The following DENND1B variants were observed in gnomAD, a reference collection of about 807,000 sequenced individuals.
The protein encoded by DENND1B is DENN domain-containing protein 1B.
In DENND1B, 59 loss-of-function variants were observed where a neutral mutation model predicts 90.1. The observed-to-expected ratio is 0.65, with a 90% CI of 0.53 to 0.81. The LOEUF (loss-of-function observed/expected upper bound fraction) is 0.81, where lower values mean the gene tolerates loss of function less well. DENND1B is among the 40% of genes least tolerant of loss of function. The probability of loss-of-function intolerance (pLI) is 0.00; values close to 1 mark genes in which losing one functional copy is unlikely to be tolerated. For synonymous variants in DENND1B, 337 were observed against 324.6 expected, an observed-to-expected ratio of 1.04 and a Z score of -0.41; for missense variants, 862 against 912.6, an observed-to-expected ratio of 0.94 and a Z score of 0.71.
chr1:197,656,862 C>T (rs1455084391), intron 6 of DENND1B, among the ~76,000 whole-genome samples: 1 of 151,710 alleles, frequency 6.6e-6, no homozygotes, highest in African/African-American at 2.4e-5. Context: ...AAATCATTAT[C>T]CCATAGAATT....
At chr1:197,724,445 T>A (rs1661449303) in intron 2 of DENND1B, among the ~76,000 whole-genome samples, 1 of 152,114 alleles carries the variant, frequency 6.6e-6, no homozygotes, top group South Asian at 2.1e-4. Flanking sequence ...CTCTTATTTA[T>A]CTTTGTATCT....
rs1274431238 is a variant in DENND1B at position 197,642,765 on chromosome 1, A to G, written c.618T>C (p.Tyr206=). 4 of 1,613,662 alleles carry G rather than the reference A, an allele frequency of 2.5e-6. No individual in the cohort carries two copies. The highest frequency in any genetic ancestry group is 3.4e-6 in the Non-Finnish European group (4 of 1,179,842). The change falls in exon 10 of 23, where the codon TAT becomes TAC. Residue 206 remains tyrosine (Y), a synonymous_variant. Transcript: ENST00000620048. ...TGCGCCTTTCATGCAGCATACTGGC[A>G]TACAGCTGCAGCATGTTGTTCACAT... is the stretch of plus-strand genomic sequence containing the variant. The part of the protein sequence containing the change: ...AVDVNNMLQL[Y]ASMLHERRIV...
chr1:197,755,223 T>G (rs1286284898), intron 2 of DENND1B, among the ~76,000 whole-genome samples: 1 of 152,206 alleles, frequency 6.6e-6, no homozygotes, highest in African/African-American at 2.4e-5. Flanking sequence ...TGTATCAGCC[T>G]GGTCACTTCA....
At chr1:197,660,695 AAGGAAAGTT>A (rs1654324617) in intron 5 of DENND1B, among the ~76,000 whole-genome samples, 1 of 152,122 alleles carries the variant, frequency 6.6e-6, no homozygotes, top group African/African-American at 2.4e-5. Flanking sequence ...CAACAGCAAT[AAGGAAAGTT>A]AGAAGATAAT....
At chr1:197,768,167 T>G (rs981035476) in intron 2 of DENND1B, among the ~76,000 whole-genome samples, 1 of 150,658 alleles carries the variant, frequency 6.6e-6, no homozygotes, top group Admixed American at 6.6e-5. Context: ...CCTCCTCCTC[T>G]TCGTCGTCCT....
At chr1:197,714,986 TA>T in intron 3 of DENND1B, 44 bp downstream of exon 3, 2 of 1,447,344 alleles carry the variant, frequency 1.4e-6, no homozygotes, top group Non-Finnish European at 1.9e-6. Flanking sequence ...GCAACAATCA[TA>T]ATACTTCAAC....
At chr1:197,516,916 C>T (rs957828300) in intron 20 of DENND1B, among the ~76,000 whole-genome samples, 1 of 151,804 alleles carries the variant, frequency 6.6e-6, no homozygotes, top group African/African-American at 2.4e-5. Flanking sequence ...AGTGACTTAT[C>T]CTTCAACATC....
chr1:197,515,014 C>A (rs992498874), intron 20 of DENND1B, among the ~76,000 whole-genome samples: 22 of 151,780 alleles, frequency 1.4e-4, no homozygotes, highest in Middle Eastern at 3.4e-3. Context: ...AATTTGGAGA[C>A]TTCAACCATG....
intron 2 of DENND1B, among the ~76,000 whole-genome samples, chr1:197,718,972 A>C (rs1430846370): frequency 1.3e-5 from 2 of 152,124 alleles, no homozygotes; most frequent in Non-Finnish European, 2.9e-5. Context: ...GTTATTATGA[A>C]AGTCAAGAGA....
chr1:197,540,132 T>C (rs1029108538), intron 19 of DENND1B, 61 bp from the exon 20 acceptor site: 69 of 1,161,718 alleles, frequency 5.9e-5, no homozygotes, highest in Admixed American at 2.4e-4. Flanking sequence ...ACTAACGTAT[T>C]AGATTAATAA....
chr1:197,626,492 C>A (rs1474728911), intron 10 of DENND1B, among the ~76,000 whole-genome samples: 3 of 152,084 alleles, frequency 2.0e-5, no homozygotes, highest in Non-Finnish European at 4.4e-5. Flanking sequence ...AACAAAGACA[C>A]AACATACCAC....
intron 16 of DENND1B, among the ~76,000 whole-genome samples, chr1:197,550,807 TAA>T (rs879793785): frequency 2.1e-5 from 3 of 140,974 alleles, no homozygotes. Flanking sequence ...AAACTTTAAT[TAA>T]AAAAAAAAAA....
chr1:197,764,318 T>C lies in DENND1B; in HGVS notation c.82+8550A>G, dbSNP rs576614087. ...TGGAAGATGTAGGCTCTTGGCACAT[T>C]TTCTGACATATTATAAATACCAAAT... On this transcript the variant is annotated intron_variant, in intron 2 of 22. Transcript: ENST00000620048. Among the ~76,000 whole-genome samples the C allele has an allele frequency of 2.6e-5, 4 of 152,290 alleles. No homozygotes were observed. The South Asian group carries it at 6.2e-4, about 24-fold the overall frequency.
At chr1:197,618,689 A>G (rs1453658778) in intron 10 of DENND1B, among the ~76,000 whole-genome samples, 1 of 151,190 alleles carries the variant, frequency 6.6e-6, no homozygotes, top group Non-Finnish European at 1.5e-5. Flanking sequence ...TAATTAAATC[A>G]GCATTCTTAA....
chr1:197,544,271 T>C (rs948953862), intron 18 of DENND1B, among the ~76,000 whole-genome samples: 1 of 152,140 alleles, frequency 6.6e-6, no homozygotes, highest in Non-Finnish European at 1.5e-5. Flanking sequence ...TCCTGTAAAA[T>C]GAACTGGTGT....
intron 3 of DENND1B, among the ~76,000 whole-genome samples, chr1:197,687,575 C>A (rs1196248328): frequency 6.6e-6 from 1 of 152,116 alleles, no homozygotes; most frequent in Non-Finnish European, 1.5e-5. Context: ...TCTTCAAGAT[C>A]TCTTAATAGA....
At chr1:197,545,315 G>T (rs1052287506) in intron 18 of DENND1B, among the ~76,000 whole-genome samples, 3 of 152,016 alleles carry the variant, frequency 2.0e-5, no homozygotes, top group Non-Finnish European at 4.4e-5. Flanking sequence ...TGAGGCAGGA[G>T]AATTGCTTGA....
At chr1:197,661,255 C>T (rs552039933) in intron 5 of DENND1B, among the ~76,000 whole-genome samples, 77 of 152,116 alleles carry the variant, frequency 5.1e-4, no homozygotes, top group African/African-American at 1.6e-3. Flanking sequence ...TTTTATAATA[C>T]TAACTAAATA....
At chr1:197,621,413 T>C (rs1009086058) in intron 10 of DENND1B, among the ~76,000 whole-genome samples, 2 of 151,370 alleles carry the variant, frequency 1.3e-5, no homozygotes, top group African/African-American at 4.8e-5. Flanking sequence ...ACTATTTACC[T>C]GGAACATTTT....
Sources: allele counts gnomAD v4.1 joint callset (sites outside exome capture counted in the v4.1 genomes callset), GRCh38; gene constraint gnomAD v4.1.1; transcripts MANE v1.5; gene names NCBI Gene and HGNC (gene_info 2026-07-23, HGNC 2026-07-21).